Variants in DCDC2 observed in about 807,000 individuals in gnomAD.
DCDC2 encodes the protein doublecortin domain containing 2.
A neutral mutation model predicts 50.2 loss-of-function variants in DCDC2; 40 were observed. That is an observed-to-expected ratio of 0.80 (90% CI 0.62 to 1.04). The LOEUF (loss-of-function observed/expected upper bound fraction) is 1.04. Among genes scored for constraint, DCDC2 ranks in the 50% least tolerant of loss-of-function variants. The pLI is 0.00. For missense variants in DCDC2, 570 were observed against 581.9 expected, an observed-to-expected ratio of 0.98 and a Z score of 0.21; for synonymous variants, 234 against 210.6, an observed-to-expected ratio of 1.11 and a Z score of -0.96.
intron 2 of DCDC2, among the ~76,000 whole-genome samples, chr6:24,351,109 A>C (rs1760361757): frequency 6.6e-6 from 1 of 152,222 alleles, no homozygotes; most frequent in South Asian, 2.1e-4. Flanking sequence ...ATACCATAGA[A>C]TTCAGAGTCA....
intron 7 of DCDC2, among the ~76,000 whole-genome samples, chr6:24,211,582 C>T (rs775998852): frequency 3.9e-5 from 6 of 152,066 alleles, no homozygotes; most frequent in Non-Finnish European, 5.9e-5. Context: ...CACAAGGGTC[C>T]TTGTGAGTGA....
chr6:24,225,750 C>T (rs1762220571), intron 7 of DCDC2, among the ~76,000 whole-genome samples: 1 of 152,128 alleles, frequency 6.6e-6, no homozygotes, highest in African/African-American at 2.4e-5. Context: ...GACTATAGCT[C>T]TTTGATAGGT....
At chr6:24,226,561 T>C (rs11962468) in intron 7 of DCDC2, among the ~76,000 whole-genome samples, 12,050 of 152,288 alleles carry the variant, frequency 0.079, 764 homozygotes, top group African/African-American at 0.18. Flanking sequence ...CTAAGAATGA[T>C]AGGACTGTGA....
chr6:24,344,529 C>T (rs1357511237), intron 2 of DCDC2, among the ~76,000 whole-genome samples: 1 of 152,136 alleles, frequency 6.6e-6, no homozygotes, highest in Non-Finnish European at 1.5e-5. Context: ...AGAGAGGATG[C>T]CAGATATTTG....
In DCDC2 at chr6:24,183,098, TAGAGC is replaced by T. The variant is rs147294724; in HGVS notation, c.1024-4471_1024-4467del. On this transcript the variant is annotated intron_variant, in intron 8 of 9. Transcript: ENST00000378454. Reference sequence around the variant, plus strand: ...CATGTGAGGTATGTAGTCAGAATCATAGAGCAGAGAGTAGAATGCTGATTGCCAGG... The same window carrying T: ...CATGTGAGGTATGTAGTCAGAATCATAGAGAGTAGAATGCTGATTGCCAGG... Among the ~76,000 whole-genome samples the T allele has an allele frequency of 1.0e-3, 158 of 152,298 alleles. 3 individuals carry two copies. In the East Asian group the frequency reaches 0.022, roughly 21 times the overall value.
intron 8 of DCDC2, among the ~76,000 whole-genome samples, chr6:24,179,761 T>C (rs1425796996): frequency 6.7e-6 from 1 of 150,306 alleles, no homozygotes; most frequent in Non-Finnish European, 1.5e-5. Context: ...GAGACCATCC[T>C]GGCTAACACG....
Position 24,288,832 on chromosome 6 carries a change from G to T in DCDC2, c.759+20C>A, listed in dbSNP as rs375674812. ...ATATAAAAATATAGAACATCAACGA[G>T]GAAAGCATCTGATACTTACACTCCC... On this transcript the variant is annotated intron_variant, in intron 6 of 9. Coordinates refer to ENST00000378454, the MANE Select transcript of DCDC2 (RefSeq NM_016356.5). The T allele has an allele frequency of 1.2e-6, 2 of 1,600,634 alleles. No individual in the cohort carries two copies. Among genetic ancestry groups the T allele is most frequent in the African/African-American group, 2.7e-5 (2 of 74,588 alleles).
chr6:24,377,389 C>T, the DCDC2 span, among the ~76,000 whole-genome samples: 1 of 152,082 alleles, frequency 6.6e-6, no homozygotes, highest in African/African-American at 2.4e-5. Flanking sequence ...ACTAGAGATT[C>T]ATTATATTTC....
At position 24,195,456 on chromosome 6, in the gene DCDC2, T is replaced by A. The variant is rs574878293; in HGVS notation, c.1023+9546A>T. On this transcript the variant is annotated intron_variant, in intron 8 of 9. Transcript: ENST00000378454. ...GTACAAATCAATGGGATTAAATCTT[T>A]CACAATGGGAAGTAAACTTGCCTGA... 7.9e-5 allele frequency among the ~76,000 whole-genome samples: 12 copies of A among 152,314 alleles called. No individual in the cohort carries two copies. The South Asian group carries it at 2.5e-3, about 32-fold the overall frequency.
chr6:24,235,032 A>T (rs1373947617), intron 7 of DCDC2, among the ~76,000 whole-genome samples: 1 of 152,240 alleles, frequency 6.6e-6, no homozygotes, highest in Non-Finnish European at 1.5e-5. Context: ...AACATGAAAA[A>T]TTCTGCATTA....
chr6:24,298,533 T>A (rs142045169), intron 4 of DCDC2, among the ~76,000 whole-genome samples: 11 of 152,276 alleles, frequency 7.2e-5, no homozygotes, highest in African/African-American at 2.6e-4. Context: ...GGGCAAATAA[T>A]TTTCCTGCTC....
chr6:24,359,489 A>T (rs373508178), upstream of DCDC2, among the ~76,000 whole-genome samples: 17 of 1,360 alleles, frequency 0.013, 2 homozygotes, highest in Admixed American at 0.075. Context: ...TTTATATATA[A>T]TATATTATAT....
intron 6 of DCDC2, among the ~76,000 whole-genome samples, chr6:24,284,210 G>C (rs375299570): frequency 1.3e-5 from 2 of 152,174 alleles, no homozygotes; most frequent in South Asian, 4.2e-4. Flanking sequence ...GCCACCTAGC[G>C]GACTCACCTA....
intron 7 of DCDC2, among the ~76,000 whole-genome samples, chr6:24,241,450 G>T (rs1762560330): frequency 6.6e-6 from 1 of 152,232 alleles, no homozygotes; most frequent in Admixed American, 6.5e-5. Context: ...TCCTAGTATT[G>T]TTACAGGAAG....
chr6:24,281,814 C>G (rs1763479487), intron 6 of DCDC2, among the ~76,000 whole-genome samples: 1 of 152,002 alleles, frequency 6.6e-6, no homozygotes, highest in South Asian at 2.1e-4. Context: ...AAAACGATAT[C>G]ACTGGGTGTC....
rs561911339 is a variant in DCDC2, at chr6:24,327,622, C to T, written c.349-25578G>A. Among the ~76,000 whole-genome samples, 128 of 151,798 alleles carry T rather than the reference C, an allele frequency of 8.4e-4. 1 individual carries two copies. The highest frequency in any genetic ancestry group is 3.0e-3 in the African/African-American group (124 of 41,394). ...CTGAGTAGCTGGGATTATAGGTGCC[C>T]GCCACCACACCCGGCTAATTTTTGT... On this transcript the variant is annotated intron_variant, in intron 2 of 9. Transcript: ENST00000378454.
chr6:24,249,531 C>T (rs1319880132), intron 7 of DCDC2, among the ~76,000 whole-genome samples: 2 of 152,156 alleles, frequency 1.3e-5, no homozygotes, highest in African/African-American at 2.4e-5. Flanking sequence ...GATAAGGCAG[C>T]GATGCATTGG....
intron 2 of DCDC2, among the ~76,000 whole-genome samples, chr6:24,334,917 A>G (rs1261175582): frequency 6.6e-6 from 1 of 152,216 alleles, no homozygotes; most frequent in Non-Finnish European, 1.5e-5. Flanking sequence ...CTTATTCTCC[A>G]GAGACAAAGC....
intron 7 of DCDC2, among the ~76,000 whole-genome samples, chr6:24,229,050 T>A (rs1277201933): frequency 3.3e-5 from 5 of 152,216 alleles, no homozygotes; most frequent in African/African-American, 1.2e-4. Flanking sequence ...TATAGACAGG[T>A]CTCCCCTTGC....
Sources: allele counts gnomAD v4.1 joint callset (sites outside exome capture counted in the v4.1 genomes callset), GRCh38; gene constraint gnomAD v4.1.1; transcripts MANE v1.5; gene names NCBI Gene and HGNC (gene_info 2026-07-23, HGNC 2026-07-21).